The following DCDC2 variants were observed in gnomAD, a reference collection of about 807,000 sequenced individuals.
DCDC2 encodes doublecortin domain-containing protein 2.
In DCDC2, 40 loss-of-function variants were observed where a neutral mutation model predicts 50.2. The observed-to-expected ratio is 0.80, with a 90% CI of 0.62 to 1.04. The LOEUF is 1.04. Ranked by LOEUF, DCDC2 falls within the 50% of genes least tolerant of loss-of-function variation. DCDC2 has a pLI of 0.00. For synonymous variants in DCDC2, 234 were observed against 210.6 expected, an observed-to-expected ratio of 1.11 and a Z score of -0.96; for missense variants, 570 against 581.9, an observed-to-expected ratio of 0.98 and a Z score of 0.21.
At chr6:24,196,381 T>C (rs1581580101) in intron 8 of DCDC2, among the ~76,000 whole-genome samples, 1 of 152,110 alleles carries the variant, frequency 6.6e-6, no homozygotes, top group South Asian at 2.1e-4. Flanking sequence ...TATAGATAGG[T>C]AGATAGATAA....
At chr6:24,351,486 T>A (rs1027802497) in intron 2 of DCDC2, among the ~76,000 whole-genome samples, 1 of 152,206 alleles carries the variant, frequency 6.6e-6, no homozygotes, top group Non-Finnish European at 1.5e-5. Context: ...CACAATTTCT[T>A]CTACTTCTCT....
At chr6:24,244,502 G>T (rs1294774294) in intron 7 of DCDC2, among the ~76,000 whole-genome samples, 4 of 152,188 alleles carry the variant, frequency 2.6e-5, no homozygotes, top group African/African-American at 7.2e-5. Flanking sequence ...ATTTGATCTG[G>T]CTGGGTAAAT....
intron 7 of DCDC2, among the ~76,000 whole-genome samples, chr6:24,268,163 GA>G (rs1763164884): frequency 6.6e-6 from 1 of 152,174 alleles, no homozygotes; most frequent in Non-Finnish European, 1.5e-5. Flanking sequence ...AGTTGAACAT[GA>G]AACTCATTAC....
At chr6:24,290,030 G>A in intron 5 of DCDC2, among the ~76,000 whole-genome samples, 1 of 118,852 alleles carries the variant, frequency 8.4e-6, no homozygotes, top group East Asian at 2.6e-4. Context: ...GTCTCGCTCT[G>A]TCGCCCAGGC....
intron 7 of DCDC2, among the ~76,000 whole-genome samples, chr6:24,254,471 C>T (rs1762853465): frequency 6.6e-6 from 1 of 152,116 alleles, no homozygotes; most frequent in South Asian, 2.1e-4. Flanking sequence ...ATTATGATGG[C>T]TACAACATCA....
At chr6:24,196,114 T>C (rs1160129749) in intron 8 of DCDC2, among the ~76,000 whole-genome samples, 2 of 152,170 alleles carry the variant, frequency 1.3e-5, no homozygotes, top group East Asian at 1.9e-4. Context: ...CTAATGGCCT[T>C]AGAGAGAGTG....
intron 4 of DCDC2, among the ~76,000 whole-genome samples, chr6:24,296,769 T>C (rs1314299743): frequency 6.6e-6 from 1 of 152,148 alleles, no homozygotes; most frequent in African/African-American, 2.4e-5. Context: ...TGATACACCA[T>C]CTCATGCCAG....
At chr6:24,321,158 C>T (rs1581651385) in intron 2 of DCDC2, among the ~76,000 whole-genome samples, 1 of 151,846 alleles carries the variant, frequency 6.6e-6, no homozygotes, top group Non-Finnish European at 1.5e-5. Flanking sequence ...TAAATGAGGG[C>T]AATTCTTCCA....
the DCDC2 span, among the ~76,000 whole-genome samples, chr6:24,364,812 C>T: frequency 1.3e-5 from 2 of 151,966 alleles, no homozygotes; most frequent in Admixed American, 1.3e-4. Flanking sequence ...AGAAAATGCA[C>T]AGCCACGTGC....
At position 24,292,628 on chromosome 6, in the gene DCDC2, A is replaced by G. The variant is rs553507752; in HGVS notation, c.558-1550T>C. ...TATGCCTATAGTTCCAGCTACTTGG[A>G]AGGCTAAGGCAAGAGGATCGCTTGA... On this transcript the variant is annotated intron_variant, in intron 4 of 9. Transcript: ENST00000378454. 3.3e-5 allele frequency among the ~76,000 whole-genome samples: 5 copies of G among 152,364 alleles called. No homozygotes were observed. The East Asian group carries it at 9.6e-4, about 29-fold the overall frequency.
At chr6:24,179,482 A>G (rs1410286359) in intron 8 of DCDC2, among the ~76,000 whole-genome samples, 2 of 135,656 alleles carry the variant, frequency 1.5e-5, no homozygotes, top group African/African-American at 5.6e-5. Context: ...CAGGAGGCAG[A>G]GCTTGCAGTG....
chr6:24,311,795 G>A (rs1198323499), intron 2 of DCDC2, among the ~76,000 whole-genome samples: 1 of 152,078 alleles, frequency 6.6e-6, no homozygotes, highest in Non-Finnish European at 1.5e-5. Context: ...CAGCACATAC[G>A]TTCTCACGTT....
chr6:24,196,679 C>A (rs1761451841), intron 8 of DCDC2, among the ~76,000 whole-genome samples: 1 of 152,210 alleles, frequency 6.6e-6, no homozygotes, highest in African/African-American at 2.4e-5. Flanking sequence ...ACCACCTCAG[C>A]CTCCCAGAAT....
chr6:24,184,564 C>CT (rs2113744912), intron 8 of DCDC2, among the ~76,000 whole-genome samples: 2 of 125,256 alleles, frequency 1.6e-5, no homozygotes, highest in East Asian at 4.6e-4. Context: ...GAGAGAGACT[C>CT]TGTCTCAAAA....
chr6:24,189,435 G>T (rs1039505453), intron 8 of DCDC2, among the ~76,000 whole-genome samples: 1 of 152,140 alleles, frequency 6.6e-6, no homozygotes, highest in Non-Finnish European at 1.5e-5. Context: ...AGATGGGGCT[G>T]CCCAAATGAC....
the DCDC2 span, among the ~76,000 whole-genome samples, chr6:24,377,816 C>T: frequency 6.6e-6 from 1 of 152,188 alleles, no homozygotes; most frequent in East Asian, 1.9e-4. Context: ...GGTGAAACCC[C>T]GTTTCTCCTA....
chr6:24,245,551 C>T (rs1172677951), intron 7 of DCDC2, among the ~76,000 whole-genome samples: 1 of 152,126 alleles, frequency 6.6e-6, no homozygotes, highest in Non-Finnish European at 1.5e-5. Flanking sequence ...GGTCCCAAGC[C>T]AGAAAGTTCC....
the DCDC2 span, among the ~76,000 whole-genome samples, chr6:24,364,716 G>A: frequency 2.7e-5 from 4 of 150,916 alleles, no homozygotes; most frequent in South Asian, 6.3e-4. Context: ...CCTGTAGAAG[G>A]AAACATATTT....
At chr6:24,220,699 A>C (rs1486271728) in intron 7 of DCDC2, among the ~76,000 whole-genome samples, 1 of 152,236 alleles carries the variant, frequency 6.6e-6, no homozygotes, top group Non-Finnish European at 1.5e-5. Context: ...GTCTGTTTTC[A>C]TACTGCTATG....
Sources: allele counts gnomAD v4.1 joint callset (sites outside exome capture counted in the v4.1 genomes callset), GRCh38; gene constraint gnomAD v4.1.1; transcripts MANE v1.5; gene names NCBI Gene and HGNC (gene_info 2026-07-23, HGNC 2026-07-21).